DPP4: variants seen among roughly 807,000 people sequenced by gnomAD.
DPP4 encodes dipeptidyl peptidase 4.
In DPP4, 93 loss-of-function variants were observed where a neutral mutation model predicts 122.4. The observed-to-expected ratio is 0.76, with a 90% CI of 0.64 to 0.90. The LOEUF (loss-of-function observed/expected upper bound fraction) is 0.90, where lower values mean the gene tolerates loss of function less well. Among genes scored for constraint, DPP4 ranks in the 40% least tolerant of loss-of-function variants. DPP4 has a pLI of 0.00. For missense variants in DPP4, 914 were observed against 907.3 expected (o/e 1.01, Z -0.09); for synonymous variants, 321 against 302.9 (o/e 1.06, Z -0.62).
At chr2:162,050,177 C>G (rs998415951) in intron 2 of DPP4, among the ~76,000 whole-genome samples, 1 of 152,194 alleles carries the variant, frequency 6.6e-6, no homozygotes, top group Non-Finnish European at 1.5e-5. Flanking sequence ...ACCACTCTTT[C>G]ATGCATCAAA....
chr2:162,038,273 C>T (rs1422444771), intron 8 of DPP4, 29 bp downstream of exon 8: 3 of 1,508,050 alleles, frequency 2.0e-6, no homozygotes, highest in Middle Eastern at 1.9e-4. Flanking sequence ...TATAGATTTT[C>T]TGATTTGAAA....
intron 10 of DPP4, 40 bp downstream of exon 10, chr2:162,033,501 A>T (rs200477503): frequency 1.0e-5 from 16 of 1,531,436 alleles, no homozygotes; most frequent in Middle Eastern, 1.7e-4. Context: ...AGAAAGTGTA[A>T]AACTGTTTAC....
chr2:162,008,755 A>G, intron 21 of DPP4, 94 bp from the exon 22 acceptor site: 1 of 1,098,436 alleles, frequency 9.1e-7, no homozygotes, highest in Non-Finnish European at 1.4e-6. Context: ...ATCTTTATAT[A>G]CTGTGCCTCT....
Position 161,993,186 on chromosome 2 carries a change from A to T in DPP4, c.*97T>A. ...CTTAAGTTTCTTGATTTGAGTGTGT[A>T]TTTTAAAGATCATCATCATCTTGAC... On this transcript the variant is annotated 3_prime_UTR_variant, in exon 26 of 26. Transcript: ENST00000360534. The T allele has an allele frequency of 2.1e-6, 2 of 968,788 alleles. No homozygotes were observed. The highest frequency in any genetic ancestry group is 1.6e-5 in the African/African-American group (1 of 61,418). The allele number at this position is 968,788 out of a possible 1,614,324, so 60.0% of individuals were successfully genotyped here.
chr2:161,999,656 C>T (rs1369494708), intron 23 of DPP4, among the ~76,000 whole-genome samples: 1 of 152,174 alleles, frequency 6.6e-6, no homozygotes, highest in Non-Finnish European at 1.5e-5. Flanking sequence ...CATGCTGGTT[C>T]CTCAGTTACC....
intron 10 of DPP4, among the ~76,000 whole-genome samples, chr2:162,027,257 A>G (rs1458875504): frequency 6.6e-6 from 1 of 151,990 alleles, no homozygotes; most frequent in Admixed American, 6.6e-5. Context: ...AGGCTGAGGC[A>G]GGAGAATTGC....
intron 2 of DPP4, among the ~76,000 whole-genome samples, chr2:162,055,547 A>G (rs1684541872): frequency 6.6e-6 from 1 of 152,042 alleles, no homozygotes; most frequent in South Asian, 2.1e-4. Context: ...AATACAAAAA[A>G]AAGTCATCCT....
intron 2 of DPP4, among the ~76,000 whole-genome samples, chr2:162,053,517 G>A (rs192486101): frequency 1.7e-4 from 26 of 152,278 alleles, no homozygotes; most frequent in Non-Finnish European, 2.5e-4. Context: ...GCCACATGCC[G>A]TCCGTAGGCC....
At chr2:162,016,902 A>G in intron 17 of DPP4, 36 bp from the exon 18 acceptor site, 1 of 1,568,192 alleles carries the variant, frequency 6.4e-7, no homozygotes, top group Non-Finnish European at 8.7e-7. Context: ...CATTCATTAC[A>G]ATGTGAAAAA....
At chr2:162,005,602 T>C (rs1159638134) in intron 23 of DPP4, 143 bp downstream of exon 23, 5 of 668,660 alleles carry the variant, frequency 7.5e-6, no homozygotes, top group Non-Finnish European at 1.2e-5. Context: ...TATTGGAGTA[T>C]CTCTAAACCA....
chr2:162,023,190 G>A (rs2106105478), intron 11 of DPP4, among the ~76,000 whole-genome samples: 1 of 152,096 alleles, frequency 6.6e-6, no homozygotes, highest in South Asian at 2.1e-4. Context: ...ACCTCCTTCA[G>A]CCCCTGTCAC....
chr2:162,024,953 A>G lies in DPP4; in HGVS notation c.888-14T>C. ...AAGTAGTGATCCCTGGAAGGAAGAAAGAAAGGAAGGACAGAGAGAGAGAAT... is the reference window on the plus strand; with the variant it reads ...AAGTAGTGATCCCTGGAAGGAAGAAGGAAAGGAAGGACAGAGAGAGAGAAT... On this transcript the variant is annotated splice_polypyrimidine_tract_variant and intron_variant, in intron 10 of 25. Coordinates refer to ENST00000360534, the MANE Select transcript of DPP4 (RefSeq NM_001935.4). 6.2e-7 allele frequency: 1 copy of G among 1,611,704 alleles called. No homozygotes were observed. Among genetic ancestry groups the G allele is most frequent in the Middle Eastern group, 1.7e-4 (1 of 6,060 alleles).
At chr2:162,002,410 T>A (rs1054281850) in intron 23 of DPP4, among the ~76,000 whole-genome samples, 7 of 152,216 alleles carry the variant, frequency 4.6e-5, no homozygotes, top group African/African-American at 1.7e-4. Context: ...AGGCTGTAAT[T>A]CTGTAAATAG....
Position 162,011,760 on chromosome 2 carries a change from GA to G in DPP4, c.1832+32del, listed in dbSNP as rs762853224. 9 of 1,596,864 alleles carry G rather than the reference GA, an allele frequency of 5.6e-6. No individual in the cohort carries two copies. In the Admixed American group the frequency reaches 1.6e-4, roughly 28 times the overall value. On this transcript the variant is annotated intron_variant, in intron 20 of 25. Transcript: ENST00000360534. The stretch of plus-strand genomic sequence containing the variant: ...AAATTTTAAAGGGGAAAAAAAATCA[GA>G]TGACCTTTGACTTCATCTCCTAGTC...
At chr2:162,061,560 C>T (rs563494309) in intron 2 of DPP4, among the ~76,000 whole-genome samples, 106 of 152,188 alleles carry the variant, frequency 7.0e-4, no homozygotes, top group Middle Eastern at 3.4e-3. Context: ...TGAGGATAAA[C>T]GTATTCTATC....
At position 162,018,807 on chromosome 2, in the gene DPP4, C is replaced by T; in HGVS notation, c.1342G>A (p.Glu448Lys). The change falls in exon 16 of 26, where the codon GAG becomes AAG. Residue 448 changes from glutamate to lysine, a missense_variant. Glu to Lys is a moderately conservative substitution (Grantham distance 56). Coordinates refer to ENST00000360534, the MANE Select transcript of DPP4 (RefSeq NM_001935.4). ...DYTKVTCLSC[E>K]LNPERCQYYS... ...TACTGACACCTTTCCGGATTCAGCT[C>T]ACAACTGAGGCATGTCACTTTTGTA... 1 of 1,614,150 alleles carries T rather than the reference C, an allele frequency of 6.2e-7. No homozygotes were observed. The highest frequency in any genetic ancestry group is 8.5e-7 in the Non-Finnish European group (1 of 1,180,050).
intron 23 of DPP4, among the ~76,000 whole-genome samples, chr2:162,002,541 T>A (rs921016726): frequency 2.6e-5 from 4 of 152,158 alleles, no homozygotes; most frequent in African/African-American, 9.7e-5. Context: ...AGACTAAACG[T>A]GAACCGCTTT....
At chr2:162,015,242 GC>G in intron 18 of DPP4, among the ~76,000 whole-genome samples, 1 of 152,184 alleles carries the variant, frequency 6.6e-6, no homozygotes, top group South Asian at 2.1e-4. Flanking sequence ...TATCTCTAGA[GC>G]TATTTTTATC....
intron 2 of DPP4, among the ~76,000 whole-genome samples, chr2:162,051,650 T>C (rs1015241992): frequency 6.6e-6 from 1 of 152,204 alleles, no homozygotes; most frequent in Admixed American, 6.5e-5. Context: ...CGAGTGTTAC[T>C]CCAAAATTTG....
Sources: allele counts gnomAD v4.1 joint callset (sites outside exome capture counted in the v4.1 genomes callset), GRCh38; gene constraint gnomAD v4.1.1; transcripts MANE v1.5; gene names NCBI Gene and HGNC (gene_info 2026-07-23, HGNC 2026-07-21).